CYP39A1: variants seen among roughly 807,000 people sequenced by gnomAD.
CYP39A1 encodes the protein 24-hydroxycholesterol 7-alpha-hydroxylase.
Under a neutral mutation model 58.1 loss-of-function variants are expected in CYP39A1, and 49 were observed. The ratio of observed to expected loss-of-function variants is 0.84; its 90% CI spans 0.67 to 1.07. CYP39A1 has a LOEUF of 1.07. Ranked by LOEUF, CYP39A1 falls within the 50% of genes least tolerant of loss-of-function variation. The probability of loss-of-function intolerance (pLI) is 0.00; values close to 1 mark genes in which losing one functional copy is unlikely to be tolerated. For missense variants in CYP39A1, 531 were observed against 539.4 expected (o/e 0.98, Z 0.16); for synonymous variants, 209 against 187.6 (o/e 1.11, Z -0.93).
In CYP39A1 at chr6:46,639,476, ACTAATGCGT is replaced by A. The variant is rs1436347435; in HGVS notation, c.488+9_488+17del. On this transcript the variant is annotated intron_variant, in intron 3 of 11. Coordinates refer to ENST00000275016, the MANE Select transcript of CYP39A1 (RefSeq NM_016593.5). ...AAAACAAAAAGCAAGACTAAATCAT[ACTAATGCGT>A]CTATTTACCTTACTAAGTTGTTCAG... The A allele has an allele frequency of 1.2e-6, 2 of 1,610,438 alleles. No individual in the cohort carries two copies.
chr6:46,586,241 T>C (rs969098197), intron 10 of CYP39A1: 1 of 984,160 alleles, frequency 1.0e-6, no homozygotes, highest in South Asian at 4.7e-5. Flanking sequence ...GTTCAAATAA[T>C]GAAGAGGACT....
chr6:46,571,791 T>C (rs931310637), intron 10 of CYP39A1, among the ~76,000 whole-genome samples: 3 of 152,100 alleles, frequency 2.0e-5, no homozygotes, highest in Admixed American at 6.6e-5. Flanking sequence ...TGTTTTGTAG[T>C]TCCTTAGTTC....
At chr6:46,568,594 T>C (rs905346086) in intron 10 of CYP39A1, among the ~76,000 whole-genome samples, 5 of 152,124 alleles carry the variant, frequency 3.3e-5, no homozygotes, top group African/African-American at 1.2e-4. Context: ...TCCAACTTCA[T>C]TCTTTTGCAT....
chr6:46,571,371 C>T (rs898492637), intron 10 of CYP39A1, among the ~76,000 whole-genome samples: 7 of 152,160 alleles, frequency 4.6e-5, no homozygotes, highest in African/African-American at 1.4e-4. Flanking sequence ...CCCTTCAGTT[C>T]TGTTAATATT....
intron 7 of CYP39A1, among the ~76,000 whole-genome samples, chr6:46,606,361 G>A (rs1773843316): frequency 6.6e-6 from 1 of 152,056 alleles, no homozygotes; most frequent in South Asian, 2.1e-4. Flanking sequence ...AAAAGAAAAG[G>A]AAATACACTA....
chr6:46,642,317 A>G lies in CYP39A1; in HGVS notation c.178-19T>C. 1 of 1,604,344 alleles carries G rather than the reference A, an allele frequency of 6.2e-7. No homozygotes were observed. The highest frequency in any genetic ancestry group is 8.5e-7 in the Non-Finnish European group (1 of 1,175,170). ...GTCCATACTGAAATAAAACAAACAT[A>G]GATTATATTAGTAAGCATTCCTAAG... On this transcript the variant is annotated intron_variant, in intron 1 of 11. Coordinates refer to ENST00000275016, the MANE Select transcript of CYP39A1 (RefSeq NM_016593.5).
At chr6:46,650,991 A>G (rs1354929710) in intron 1 of CYP39A1, among the ~76,000 whole-genome samples, 1 of 152,244 alleles carries the variant, frequency 6.6e-6, no homozygotes, top group Admixed American at 6.5e-5. Flanking sequence ...CTATCAGACT[A>G]GCAAAAATTG....
chr6:46,616,259 T>TCTTC (rs1211600924), intron 7 of CYP39A1, among the ~76,000 whole-genome samples: 9 of 68,056 alleles, frequency 1.3e-4, no homozygotes, highest in African/African-American at 3.6e-4. Flanking sequence ...TTCCTTCCTT[T>TCTTC]CTTCCTTCCT....
At chr6:46,571,099 C>T (rs77562706) in intron 10 of CYP39A1, among the ~76,000 whole-genome samples, 12,246 of 152,126 alleles carry the variant, frequency 0.08, 832 homozygotes, top group Admixed American at 0.18. Context: ...ACTTGATATG[C>T]CTTCAACTTT....
intron 8 of CYP39A1, among the ~76,000 whole-genome samples, chr6:46,593,886 C>T (rs1772989735): frequency 6.6e-6 from 1 of 152,088 alleles, no homozygotes; most frequent in Admixed American, 6.6e-5. Flanking sequence ...ATAGAAAATC[C>T]TCTCACCTTC....
chr6:46,593,805 T>TCACAGA (rs1772987064), intron 8 of CYP39A1, among the ~76,000 whole-genome samples: 2 of 152,190 alleles, frequency 1.3e-5, no homozygotes, highest in Non-Finnish European at 2.9e-5. Flanking sequence ...TTCACAAATA[T>TCACAGA]TTAACTAATA....
At chr6:46,640,493 T>C (rs1354683762) in intron 2 of CYP39A1, among the ~76,000 whole-genome samples, 1 of 152,234 alleles carries the variant, frequency 6.6e-6, no homozygotes, top group Admixed American at 6.5e-5. Flanking sequence ...TATGTTAGTA[T>C]TCGTGCTCCT....
intron 1 of CYP39A1, 93 bp downstream of exon 1, chr6:46,652,313 G>A (rs1263020084): frequency 1.6e-6 from 2 of 1,244,624 alleles, no homozygotes; most frequent in Non-Finnish European, 2.2e-6. Flanking sequence ...TATGTTCCCC[G>A]TGTTCTAGCC....
At chr6:46,637,799 A>G (rs1227383716) in intron 4 of CYP39A1, 30 bp downstream of exon 4, 1 of 1,601,954 alleles carries the variant, frequency 6.2e-7, no homozygotes, top group Non-Finnish European at 8.5e-7. Flanking sequence ...AAGCTTGGTC[A>G]ATGAATTAAT....
rs558387500 is a variant in CYP39A1, at chr6:46,603,627, G to A, written c.932-7507C>T. Among the ~76,000 whole-genome samples the A allele has an allele frequency of 5.9e-5, 9 of 152,166 alleles. No homozygotes were observed. In the South Asian group the frequency reaches 1.0e-3, roughly 18 times the overall value. On this transcript the variant is annotated intron_variant, in intron 7 of 11. Coordinates refer to ENST00000275016, the MANE Select transcript of CYP39A1 (RefSeq NM_016593.5). ...CTGTGGTTTTGTATTCCTTTTTCCC[G>A]GGCACATCCTTAACCTTGGCAAAAT...
intron 10 of CYP39A1, among the ~76,000 whole-genome samples, chr6:46,577,386 C>T (rs1771896139): frequency 6.6e-6 from 1 of 152,172 alleles, no homozygotes; most frequent in Non-Finnish European, 1.5e-5. Flanking sequence ...TACTTAAGAA[C>T]CAGTGAACAA....
At position 46,596,114 on chromosome 6, in the gene CYP39A1, T is replaced by C; in HGVS notation, c.938A>G (p.Asp313Gly). 6.3e-7 allele frequency: 1 copy of C among 1,596,246 alleles called. No homozygotes were observed. Among genetic ancestry groups the C allele is most frequent in the Non-Finnish European group, 8.5e-7 (1 of 1,173,998 alleles). ...ISSVFGKAGKDKIKVSEDDLE... is the reference protein window; with the variant it reads ...ISSVFGKAGKGKIKVSEDDLE... ...GTCATCCTCAGACACTTTAATCTTA[T>C]CTTTGCCTGTAAAAAAATTTTTAAT... Residue 313 changes from aspartate (D) to glycine (G), a missense_variant, in exon 8 of 12, where the codon GAT becomes GGT. Physicochemically the swap from Asp to Gly is moderately conservative, Grantham distance 94. Coordinates refer to ENST00000275016, the MANE Select transcript of CYP39A1 (RefSeq NM_016593.5).
intron 10 of CYP39A1, among the ~76,000 whole-genome samples, chr6:46,585,321 GTATA>G (rs1286702359): frequency 7.6e-6 from 1 of 131,536 alleles, no homozygotes; most frequent in Admixed American, 7.9e-5. Context: ...GTTGCTATTG[GTATA>G]GATAGATAGA....
intron 8 of CYP39A1, 21 bp from the exon 9 acceptor site, chr6:46,588,150 G>A: frequency 1.4e-6 from 2 of 1,458,486 alleles, no homozygotes; most frequent in Non-Finnish European, 9.4e-7. Flanking sequence ...AAAATCAGCT[G>A]CAAATCATTT....
Sources: allele counts gnomAD v4.1 joint callset (sites outside exome capture counted in the v4.1 genomes callset), GRCh38; gene constraint gnomAD v4.1.1; transcripts MANE v1.5; gene names NCBI Gene and HGNC (gene_info 2026-07-23, HGNC 2026-07-21).